The following ALPK1 variants were observed in gnomAD, a reference collection of about 807,000 sequenced individuals.
ALPK1 encodes alpha kinase 1.
ALPK1 carries 110 observed loss-of-function variants against 120.6 expected under a neutral mutation model. The ratio of observed to expected loss-of-function variants is 0.91; its 90% CI spans 0.78 to 1.07. The LOEUF (loss-of-function observed/expected upper bound fraction) is 1.07. ALPK1 is among the 50% of genes least tolerant of loss of function. ALPK1 has a pLI of 0.00. For synonymous variants in ALPK1, 582 were observed against 560.3 expected, an observed-to-expected ratio of 1.04 and a Z score of -0.55; for missense variants, 1,498 against 1,483.9, an observed-to-expected ratio of 1.01 and a Z score of -0.16.
chr4:112,308,627 G>T (rs903673052), intron 1 of ALPK1, among the ~76,000 whole-genome samples: 1 of 152,036 alleles, frequency 6.6e-6, no homozygotes, highest in African/African-American at 2.4e-5. Flanking sequence ...CTCTACACTG[G>T]TTATTCTAGT....
intron 2 of ALPK1, chr4:112,357,552 C>T: frequency 8.4e-7 from 1 of 1,194,016 alleles, no homozygotes; most frequent in Non-Finnish European, 1.2e-6. Context: ...TCATCCTCAC[C>T]AGTGGCACAC....
chr4:112,398,314 C>T (rs970937953), intron 4 of ALPK1, among the ~76,000 whole-genome samples: 3 of 152,022 alleles, frequency 2.0e-5, no homozygotes, highest in African/African-American at 7.2e-5. Flanking sequence ...TAAGAGACAG[C>T]GTCTTGCTCT....
chr4:112,341,813 C>T (rs531490449), intron 2 of ALPK1, among the ~76,000 whole-genome samples: 4 of 152,254 alleles, frequency 2.6e-5, no homozygotes, highest in South Asian at 2.1e-4. Flanking sequence ...ATAATGATAT[C>T]GGTGCCAAGA....
At chr4:112,311,691 A>G (rs1728406912) in intron 1 of ALPK1, among the ~76,000 whole-genome samples, 1 of 151,842 alleles carries the variant, frequency 6.6e-6, no homozygotes, top group Admixed American at 6.6e-5. Flanking sequence ...GCCTTACCCC[A>G]CTCCCTCCTT....
At chr4:112,428,353 C>T (rs1336068647) in intron 9 of ALPK1, among the ~76,000 whole-genome samples, 2 of 152,218 alleles carry the variant, frequency 1.3e-5, no homozygotes, top group African/African-American at 2.4e-5. Context: ...TTTTTATTAT[C>T]GTCTATATTG....
chr4:112,435,444 T>C, intron 12 of ALPK1, 143 bp downstream of exon 12: 3 of 728,814 alleles, frequency 4.1e-6, no homozygotes, highest in Non-Finnish European at 6.7e-6. Context: ...TTCTTTTCAT[T>C]ATTAATTAAT....
At chr4:112,312,948 G>A (rs1728473221) in intron 1 of ALPK1, among the ~76,000 whole-genome samples, 1 of 152,162 alleles carries the variant, frequency 6.6e-6, no homozygotes, top group South Asian at 2.1e-4. Context: ...TGGCCCTTCC[G>A]GTAACCCCAA....
intron 4 of ALPK1, among the ~76,000 whole-genome samples, chr4:112,404,821 A>G (rs942310852): frequency 7.9e-5 from 12 of 152,192 alleles, no homozygotes; most frequent in Non-Finnish European, 1.5e-4. Flanking sequence ...GTTAGGAAAT[A>G]ATTTGATCCT....
At chr4:112,297,990 G>A (rs967861246) in intron 1 of ALPK1, among the ~76,000 whole-genome samples, 5 of 152,080 alleles carry the variant, frequency 3.3e-5, no homozygotes, top group Admixed American at 6.5e-5. Context: ...GTGAATTGAC[G>A]GGAATTCTGA....
intron 3 of ALPK1, among the ~76,000 whole-genome samples, chr4:112,380,142 C>G (rs561498556): frequency 2.0e-5 from 3 of 152,064 alleles, no homozygotes. Flanking sequence ...TAATAAGGAC[C>G]CTAGGACCAC....
intron 2 of ALPK1, among the ~76,000 whole-genome samples, chr4:112,320,664 G>C (rs1560635375): frequency 6.6e-6 from 1 of 151,936 alleles, no homozygotes; most frequent in Non-Finnish European, 1.5e-5. Flanking sequence ...GAATTCATCT[G>C]GTCCTGAACT....
chr4:112,421,262 C>T (rs905232737), intron 5 of ALPK1, among the ~76,000 whole-genome samples: 6 of 152,144 alleles, frequency 3.9e-5, no homozygotes, highest in African/African-American at 1.4e-4. Context: ...CCTTTAAATA[C>T]TTTCTAGCTT....
At chr4:112,407,134 G>C (rs1317103059) in intron 4 of ALPK1, among the ~76,000 whole-genome samples, 3 of 152,200 alleles carry the variant, frequency 2.0e-5, no homozygotes, top group Non-Finnish European at 4.4e-5. Context: ...TAGAATGGTG[G>C]TTGCCAGGAA....
chr4:112,373,857 C>A (rs1455283086), intron 2 of ALPK1, among the ~76,000 whole-genome samples: 1 of 152,116 alleles, frequency 6.6e-6, no homozygotes, highest in Non-Finnish European at 1.5e-5. Context: ...AAAAAAGTAC[C>A]CACCTTAATT....
rs781516933 is a variant in ALPK1, at chr4:112,432,320, A to G, written c.2773A>G (p.Ser925Gly). 1.9e-5 allele frequency: 31 copies of G among 1,614,126 alleles called. No individual in the cohort carries two copies. Among genetic ancestry groups the G allele is most frequent in the Non-Finnish European group, 2.6e-5 (31 of 1,180,050 alleles). The change falls in exon 11 of 16, where the codon AGC (serine) becomes GGC (glycine). Residue 925 changes from serine to glycine, a missense_variant. Coordinates refer to ENST00000650871, the MANE Select transcript of ALPK1 (RefSeq NM_025144.4). ...CATGCTAAACTGCAGCCAGAACTCC[A>G]GCTCATCCTCAGTGTGGTGGCTGAA... is the stretch of plus-strand genomic sequence containing the variant. ...GNMLNCSQNS[S>G]SSSVWWLKSP...
chr4:112,314,393 A>G (rs1728544703), intron 1 of ALPK1, among the ~76,000 whole-genome samples: 1 of 152,204 alleles, frequency 6.6e-6, no homozygotes, highest in Non-Finnish European at 1.5e-5. Context: ...AAAAGGGGAC[A>G]AGATGGGTAG....
Position 112,409,161 on chromosome 4 carries a change from A to G in ALPK1, c.277-2666A>G, listed in dbSNP as rs146695534. ...TTTTTTAAAGCCTGGCCACAGAATCATGAGGGGTCAGGTTATCAGGTAGCT... is the reference window on the plus strand; with the variant it reads ...TTTTTTAAAGCCTGGCCACAGAATCGTGAGGGGTCAGGTTATCAGGTAGCT... On this transcript the variant is annotated intron_variant, in intron 4 of 15. Coordinates refer to ENST00000650871, the MANE Select transcript of ALPK1 (RefSeq NM_025144.4). Among the ~76,000 whole-genome samples the G allele has an allele frequency of 4.3e-4, 65 of 152,256 alleles. No individual in the cohort carries two copies. In the East Asian group the frequency reaches 0.011, roughly 27 times the overall value.
Position 112,335,629 on chromosome 4 carries a change from T to C in ALPK1, c.-101+19777T>C, listed in dbSNP as rs557630411. On this transcript the variant is annotated intron_variant, in intron 2 of 15. Transcript: ENST00000650871. Reference sequence around the variant, plus strand: ...TGAGAGAGCTGCATAATGGATATAATATATTCAAGCCACATAATCTGGAGG... The same window carrying C: ...TGAGAGAGCTGCATAATGGATATAACATATTCAAGCCACATAATCTGGAGG... 3.0e-4 allele frequency among the ~76,000 whole-genome samples: 45 copies of C among 152,348 alleles called. No homozygotes were observed. The South Asian group carries it at 9.1e-3, about 31-fold the overall frequency.
intron 2 of ALPK1, chr4:112,359,846 C>A: frequency 2.9e-6 from 1 of 341,944 alleles, no homozygotes; most frequent in South Asian, 2.5e-5. Flanking sequence ...TCAGCATGCC[C>A]AGCGTGGCTT....
Sources: gnomAD v4.1 joint callset for allele counts (sites outside exome capture counted in the v4.1 genomes callset) on GRCh38, gnomAD v4.1.1 for gene constraint, MANE v1.5 for transcripts, NCBI Gene and HGNC (gene_info 2026-07-23, HGNC 2026-07-21) for gene names.